Variants in IDI2 observed in about 807,000 individuals in gnomAD.
The protein encoded by IDI2 is isopentenyl-diphosphate delta-isomerase 2.
A neutral mutation model predicts 14.8 loss-of-function variants in IDI2; 18 were observed. That is an observed-to-expected ratio of 1.22 (90% CI 0.84 to 1.80). IDI2 has a LOEUF of 1.80. Among genes scored for constraint, IDI2 ranks in the 40% most tolerant of loss-of-function variants. The pLI, the probability that IDI2 is intolerant of heterozygous loss-of-function variation, is 0.00. For missense variants in IDI2, 316 were observed against 283.2 expected, an observed-to-expected ratio of 1.12 and a Z score of -0.83; for synonymous variants, 133 against 109.6, an observed-to-expected ratio of 1.21 and a Z score of -1.33.
chr10:1,022,728 G>T lies in IDI2; in HGVS notation c.190C>A (p.Arg64=). ...FSVVLFNTKN[R]ILIQQRSDTK... ...TCCGACCTCTGCTGTATCAGGATTC[G>T]ATTCTTGGTGTTAAACAAGACAACG... Residue 64 remains arginine (R), a synonymous_variant, in exon 3 of 5, where the codon CGA becomes AGA. Transcript: ENST00000277517. 1 of 1,614,094 alleles carries T rather than the reference G, an allele frequency of 6.2e-7. No homozygotes were observed. The highest frequency in any genetic ancestry group is 8.5e-7 in the Non-Finnish European group (1 of 1,179,996).
intron 3 of IDI2, among the ~76,000 whole-genome samples, chr10:1,021,731 A>T (rs1239336298): frequency 2.0e-5 from 3 of 152,212 alleles, no homozygotes; most frequent in African/African-American, 7.2e-5. Flanking sequence ...AGCTCCATCA[A>T]GGAGCCCGTG....
intron 2 of IDI2, among the ~76,000 whole-genome samples, chr10:1,023,330 G>A (rs12782861): frequency 0.39 from 59,700 of 151,834 alleles, 12,345 homozygotes; most frequent in East Asian, 0.55. Context: ...AAAAAAATTA[G>A]CTGGGCGTGG....
At chr10:1,022,981 A>G (rs1832139180) in intron 2 of IDI2, among the ~76,000 whole-genome samples, 1 of 152,220 alleles carries the variant, frequency 6.6e-6, no homozygotes, top group South Asian at 2.1e-4. Context: ...TAGATCTACC[A>G]GATGACCCAG....
intron 3 of IDI2, 61 bp from the exon 4 acceptor site, chr10:1,020,958 CA>C: frequency 2.0e-6 from 3 of 1,536,440 alleles, no homozygotes; most frequent in Non-Finnish European, 2.7e-6. Context: ...ATATTAAATA[CA>C]AATGCAGATG....
At position 1,019,363 on chromosome 10, in the gene IDI2, A is replaced by C. The variant is rs1213481598; in HGVS notation, c.*154T>G. On this transcript the variant is annotated 3_prime_UTR_variant, in exon 5 of 5. Transcript: ENST00000277517. ...GGAAAAGGGAAAATGAAGATATGAC[A>C]AAGTTGATGAAAAGGTTGAAATAGT... The C allele has an allele frequency of 3.5e-6, 2 of 571,750 alleles. No homozygotes were observed. Among genetic ancestry groups the C allele is most frequent in the East Asian group, 2.9e-5 (1 of 34,622 alleles). The allele number at this position is 571,750 out of a possible 1,614,324, so 35.4% of individuals were successfully genotyped here.
At chr10:1,020,542 C>T (rs1366383356) in intron 4 of IDI2, among the ~76,000 whole-genome samples, 1 of 152,160 alleles carries the variant, frequency 6.6e-6, no homozygotes, top group African/African-American at 2.4e-5. Context: ...CTCAACCCTG[C>T]CTGGGACACA....
intron 3 of IDI2, 28 bp downstream of exon 3, chr10:1,022,655 A>G (rs1460271986): frequency 6.5e-7 from 1 of 1,526,790 alleles, no homozygotes; most frequent in Non-Finnish European, 9.1e-7. Flanking sequence ...TGCTCTCTTC[A>G]GTCCGGGGCT....
At position 1,019,419 on chromosome 10, in the gene IDI2, C is replaced by CT. The variant is rs1409471770; in HGVS notation, c.*97dup. ...ATACATGATGGGCAATCAAGTGCCC[C>CT]TTTTGCCCTGTTTTTTGGAGAGGGT... On this transcript the variant is annotated 3_prime_UTR_variant, in exon 5 of 5. Coordinates refer to ENST00000277517, the MANE Select transcript of IDI2 (RefSeq NM_033261.3). The CT allele has an allele frequency of 1.1e-6, 1 of 917,580 alleles. No homozygotes were observed. Among genetic ancestry groups the CT allele is most frequent in the Admixed American group, 2.8e-5 (1 of 35,582 alleles). 56.8% of individuals were successfully genotyped at this position (917,580 alleles called of 1,614,324 possible). A position where few individuals can be genotyped will look rare whatever the true frequency, so the allele number is the denominator to read the frequency against.
chr10:1,020,903 A>G lies in IDI2; in HGVS notation c.236-6T>C, dbSNP rs1211050980. 6.2e-7 allele frequency: 1 copy of G among 1,607,778 alleles called. No homozygotes were observed. The highest frequency in any genetic ancestry group is 8.5e-7 in the Non-Finnish European group (1 of 1,178,010). On this transcript the variant is annotated splice_region_variant and splice_polypyrimidine_tract_variant and intron_variant, in intron 3 of 4. Coordinates refer to ENST00000277517, the MANE Select transcript of IDI2 (RefSeq NM_033261.3). ...ACAGGAGTCGGTAAAATACCCTGGAAAAAATGCATGTGGGAACATCCCTCT... is the reference window on the plus strand; with the variant it reads ...ACAGGAGTCGGTAAAATACCCTGGAGAAAATGCATGTGGGAACATCCCTCT...
At chr10:1,024,987 C>T (rs996546482) in intron 1 of IDI2, among the ~76,000 whole-genome samples, 2 of 147,654 alleles carry the variant, frequency 1.4e-5, no homozygotes, top group Non-Finnish European at 3.0e-5. Flanking sequence ...CCTTTAGTGA[C>T]GAGTTAAAGA....
chr10:1,023,880 C>A (rs186269161), intron 2 of IDI2, among the ~76,000 whole-genome samples: 3 of 152,092 alleles, frequency 2.0e-5, no homozygotes, highest in Admixed American at 2.0e-4. Flanking sequence ...CCCAAAATGC[C>A]CTATTTGATC....
At chr10:1,022,591 C>T in intron 3 of IDI2, 92 bp downstream of exon 3, 1 of 961,566 alleles carries the variant, frequency 1.0e-6, no homozygotes, top group Non-Finnish European at 1.7e-6. Flanking sequence ...CACAGTGCGG[C>T]ACTGAGCACC....
intron 1 of IDI2, among the ~76,000 whole-genome samples, chr10:1,025,010 CCACACACACACACACA>C (rs72086728): frequency 0.13 from 18,938 of 145,076 alleles, 1,501 homozygotes; most frequent in African/African-American, 0.17. Context: ...CCCCGCCCCA[CCACACACACACACACA>C]CACACACACA....
At chr10:1,024,429 C>T (rs1227025492) in intron 2 of IDI2, among the ~76,000 whole-genome samples, 153 bp downstream of exon 2, 2 of 152,174 alleles carry the variant, frequency 1.3e-5, no homozygotes, top group Admixed American at 1.3e-4. Context: ...AGGTGCTGCT[C>T]CCCGAGCCTT....
At position 1,019,255 on chromosome 10, in the gene IDI2, A is replaced by G; in HGVS notation, c.*262T>C. 8.1e-6 allele frequency: 3 copies of G among 371,060 alleles called. No individual in the cohort carries two copies. The highest frequency in any genetic ancestry group is 1.5e-5 in the Non-Finnish European group (3 of 205,696). 23.0% of individuals were successfully genotyped at this position (371,060 alleles called of 1,614,324 possible). A position where few individuals can be genotyped will look rare whatever the true frequency, so the allele number is the denominator to read the frequency against. On this transcript the variant is annotated 3_prime_UTR_variant, in exon 5 of 5. Transcript: ENST00000277517. ...CAGGATCAGCTGCTGTTAATCAAAC[A>G]AGTGCTTATAAAATGGAAATTGGGA...
At chr10:1,025,516 G>T (rs1832200587) in intron 1 of IDI2, among the ~76,000 whole-genome samples, 1 of 149,756 alleles carries the variant, frequency 6.7e-6, no homozygotes, top group East Asian at 2.0e-4. Context: ...TCTCCAGCCT[G>T]GGCAGACAGA....
In IDI2 at chr10:1,024,674, A is replaced by G. The variant is rs762971115; in HGVS notation, c.50T>C (p.Leu17Ser). The G allele has an allele frequency of 1.4e-5, 22 of 1,614,148 alleles. No homozygotes were observed. The highest frequency in any genetic ancestry group is 1.9e-5 in the Non-Finnish European group (22 of 1,180,028). ...ATCCACAACAATCAGCATTTCCTCC[A>G]AGCGCTGCAACTGACGCCTGTCAAC... The part of the protein sequence containing the change: ...DWVDRRQLQR[L>S]EEMLIVVDEN... Residue 17 changes from leucine (L) to serine (S), a missense_variant, in exon 2 of 5, where the codon TTG becomes TCG. Coordinates refer to ENST00000277517, the MANE Select transcript of IDI2 (RefSeq NM_033261.3).
chr10:1,019,528 G>A lies in IDI2; in HGVS notation c.673C>T (p.His225Tyr). Residue 225 changes from histidine to tyrosine, a missense_variant, in exon 5 of 5, where the codon CAC (histidine) becomes TAC (tyrosine). Physicochemically the swap from His to Tyr is moderately conservative, Grantham distance 83. Coordinates refer to ENST00000277517, the MANE Select transcript of IDI2 (RefSeq NM_033261.3). ...GACCTCCCTGCCTCTCACACTCTGT[G>A]TATTTTGTGAAGCTCCACAAACGGG... ...VTPFVELHKI[H>Y]RV 1.2e-6 allele frequency: 2 copies of A among 1,612,618 alleles called. No individual in the cohort carries two copies. Among genetic ancestry groups the A allele is most frequent in the Non-Finnish European group, 1.7e-6 (2 of 1,178,988 alleles).
rs189081799 is a variant in IDI2 at position 1,023,994 on chromosome 10, A to G, written c.142+588T>C. Among the ~76,000 whole-genome samples, 992 of 152,372 alleles carry G rather than the reference A, an allele frequency of 6.5e-3. 3 individuals carry two copies. The highest frequency in any genetic ancestry group is 0.024 in the Middle Eastern group (7 of 294). On this transcript the variant is annotated intron_variant, in intron 2 of 4. Transcript: ENST00000277517. ...ACACAAAAATGAAAATTAAAAAATA[A>G]TAAAATGGCTTAAGATGGTCAAAGA...
Sources: gnomAD v4.1 joint callset for allele counts (sites outside exome capture counted in the v4.1 genomes callset) on GRCh38, gnomAD v4.1.1 for gene constraint, MANE v1.5 for transcripts, NCBI Gene and HGNC (gene_info 2026-07-23, HGNC 2026-07-21) for gene names.